DMXL1: variants seen among roughly 807,000 people sequenced by gnomAD.
The protein encoded by DMXL1 is Dmx like 1.
Under a neutral mutation model 319.2 loss-of-function variants are expected in DMXL1, and 99 were observed. The ratio of observed to expected loss-of-function variants is 0.31; its 90% CI spans 0.26 to 0.37. DMXL1 has a LOEUF of 0.37. Ranked by LOEUF, DMXL1 falls within the 10% of genes least tolerant of loss-of-function variation. The pLI, the probability that DMXL1 is intolerant of heterozygous loss-of-function variation, is 1.00. For synonymous variants in DMXL1, 1,385 were observed against 1,235.2 expected (o/e 1.12, Z -2.54); for missense variants, 3,745 against 3,595.6 (o/e 1.04, Z -1.06).
At chr5:119,114,613 G>A (rs1760412462) in intron 6 of DMXL1, 72 bp downstream of exon 6, 3 of 952,896 alleles carry the variant, frequency 3.1e-6, no homozygotes, top group Non-Finnish European at 4.8e-6. Flanking sequence ...ACATCAACTG[G>A]CTTCATTCTT....
intron 28 of DMXL1, among the ~76,000 whole-genome samples, chr5:119,184,505 C>T (rs541850447): frequency 3.9e-5 from 6 of 152,080 alleles, no homozygotes; most frequent in Non-Finnish European, 8.8e-5. Flanking sequence ...TTTATTATGA[C>T]TAAAAACACA....
At chr5:119,114,447 A>G in intron 5 of DMXL1, 28 bp from the exon 6 acceptor site, 1 of 1,502,392 alleles carries the variant, frequency 6.7e-7, no homozygotes, top group Non-Finnish European at 9.1e-7. Flanking sequence ...TTTCATTGCA[A>G]ATTATTCCTT....
chr5:119,221,698 C>T (rs1360011017), intron 37 of DMXL1, among the ~76,000 whole-genome samples: 1 of 151,966 alleles, frequency 6.6e-6, no homozygotes, highest in African/African-American at 2.4e-5. Flanking sequence ...TTTGCTAACC[C>T]CTTGTCTAGG....
rs1381904059 is a variant in DMXL1 at position 119,244,352 on chromosome 5, C to T, written c.8705-7C>T. 1.3e-6 allele frequency: 2 copies of T among 1,584,808 alleles called. No homozygotes were observed. Among genetic ancestry groups the T allele is most frequent in the Non-Finnish European group, 1.7e-6 (2 of 1,164,254 alleles). ...GTGTTTTTGTTTTTTTTTTAATTTA[C>T]TTTCAGCATTTACCTGCCATGACAG... is the stretch of plus-strand genomic sequence containing the variant. On this transcript the variant is annotated splice_polypyrimidine_tract_variant and splice_region_variant and intron_variant, in intron 42 of 43. Transcript: ENST00000539542.
In DMXL1 at chr5:119,133,661, T is replaced by C; in HGVS notation, c.1737T>C (p.Ser579=). 1 of 1,614,226 alleles carries C rather than the reference T, an allele frequency of 6.2e-7. No individual in the cohort carries two copies. The highest frequency in any genetic ancestry group is 1.6e-4 in the Middle Eastern group (1 of 6,062). ...LTRSTSMLIS[S]GHNKSSNSLK... Reference sequence around the variant, plus strand: ...GTTCCACATCAATGCTTATTTCTTCTGGTCACAATAAATCATCTAATAGTT... The same window carrying C: ...GTTCCACATCAATGCTTATTTCTTCCGGTCACAATAAATCATCTAATAGTT... The change falls in exon 12 of 44, where the codon TCT becomes TCC. Residue 579 remains serine, a synonymous_variant. Coordinates refer to ENST00000539542, the MANE Select transcript of DMXL1 (RefSeq NM_001290321.3).
chr5:119,175,221 A>C, intron 25 of DMXL1, 40 bp from the exon 26 acceptor site: 2 of 1,520,214 alleles, frequency 1.3e-6, no homozygotes, highest in Non-Finnish European at 1.8e-6. Context: ...CTGCACTTTA[A>C]AAAGGTTATA....
rs1327403340 is a variant in DMXL1, at chr5:119,171,141, A to C, written c.6350A>C (p.Gln2117Pro). The stretch of plus-strand genomic sequence containing the variant: ...GTGAAACAACTGAGAGAAAATTTTC[A>C]GGAAAAAAGACAGTGGCTCTTGAAG... ...TKVKQLRENF[Q>P]EKRQWLLKYQ... The change falls in exon 24 of 44, where the codon CAG becomes CCG. Residue 2117 changes from glutamine to proline, a missense_variant. Physicochemically the swap from Gln to Pro is moderately conservative, Grantham distance 76 (BLOSUM62 -1). Transcript: ENST00000539542. The C allele has an allele frequency of 2.5e-6, 4 of 1,613,874 alleles. No homozygotes were observed. The African/African-American group carries it at 5.3e-5, about 22-fold the overall frequency.
intron 9 of DMXL1, among the ~76,000 whole-genome samples, chr5:119,124,072 G>A (rs944595745): frequency 2.0e-5 from 3 of 151,700 alleles, no homozygotes; most frequent in African/African-American, 7.3e-5. Flanking sequence ...ACTTTGGGAG[G>A]CTGAGGCAGG....
At chr5:119,158,182 G>T (rs1050092973) in intron 19 of DMXL1, among the ~76,000 whole-genome samples, 1 of 151,030 alleles carries the variant, frequency 6.6e-6, no homozygotes, top group South Asian at 2.1e-4. Flanking sequence ...GTGAGCCACC[G>T]GCCTGGCCGA....
intron 39 of DMXL1, among the ~76,000 whole-genome samples, chr5:119,235,360 T>C (rs935312611): frequency 1.3e-5 from 2 of 152,096 alleles, no homozygotes; most frequent in African/African-American, 4.8e-5. Flanking sequence ...AAAAGAGTTA[T>C]TGGAAATTAA....
chr5:119,155,969 A>G (rs1770958621), intron 19 of DMXL1, among the ~76,000 whole-genome samples: 1 of 152,220 alleles, frequency 6.6e-6, no homozygotes, highest in Non-Finnish European at 1.5e-5. Context: ...AGGATTTAGA[A>G]TAGTCTGTAA....
At chr5:119,141,604 GAC>G (rs1289243240) in intron 13 of DMXL1, among the ~76,000 whole-genome samples, 1 of 152,054 alleles carries the variant, frequency 6.6e-6, no homozygotes, top group Non-Finnish European at 1.5e-5. Context: ...AATCAGAGAA[GAC>G]ACAAACACAT....
At chr5:119,200,924 C>T (rs567639785) in intron 32 of DMXL1, among the ~76,000 whole-genome samples, 1 of 152,064 alleles carries the variant, frequency 6.6e-6, no homozygotes, top group Non-Finnish European at 1.5e-5. Flanking sequence ...ATTTTTGTAT[C>T]CTGAAACTTT....
intron 34 of DMXL1, among the ~76,000 whole-genome samples, chr5:119,211,679 C>T (rs1782830267): frequency 6.6e-6 from 1 of 152,120 alleles, no homozygotes; most frequent in Admixed American, 6.5e-5. Flanking sequence ...TCAGTTATGC[C>T]TTCGGCATTC....
intron 2 of DMXL1, among the ~76,000 whole-genome samples, chr5:119,098,909 A>G (rs1370796321): frequency 1.3e-5 from 2 of 152,216 alleles, no homozygotes; most frequent in Non-Finnish European, 2.9e-5. Context: ...CCATGGACCC[A>G]ATCATTTGTT....
At chr5:119,228,534 C>G (rs780474381) in intron 38 of DMXL1, among the ~76,000 whole-genome samples, 4 of 152,198 alleles carry the variant, frequency 2.6e-5, no homozygotes, top group Non-Finnish European at 5.9e-5. Context: ...ATAGTATATA[C>G]CCATACAAAT....
chr5:119,195,019 G>A (rs1034477371), intron 30 of DMXL1, among the ~76,000 whole-genome samples: 1 of 151,690 alleles, frequency 6.6e-6, no homozygotes, highest in African/African-American at 2.4e-5. Flanking sequence ...ATGCAGATCA[G>A]TTTCCCAATG....
intron 4 of DMXL1, among the ~76,000 whole-genome samples, chr5:119,106,323 A>T (rs188376392): frequency 6.6e-6 from 1 of 152,298 alleles, no homozygotes; most frequent in Admixed American, 6.5e-5. Context: ...GCTAATATTA[A>T]GGGTTGGGAG....
At chr5:119,222,461 C>G (rs1784810635) in intron 37 of DMXL1, among the ~76,000 whole-genome samples, 1 of 152,110 alleles carries the variant, frequency 6.6e-6, no homozygotes, top group African/African-American at 2.4e-5. Context: ...ATTGGTAAAA[C>G]TTACTGATAT....
Sources: allele counts gnomAD v4.1 joint callset (sites outside exome capture counted in the v4.1 genomes callset), GRCh38; gene constraint gnomAD v4.1.1; transcripts MANE v1.5; gene names NCBI Gene and HGNC (gene_info 2026-07-23, HGNC 2026-07-21).